The following KDM4B variants were observed in gnomAD, a reference collection of about 807,000 sequenced individuals.
The protein encoded by KDM4B is lysine demethylase 4B.
In KDM4B, 32 loss-of-function variants were observed where a neutral mutation model predicts 125.2. That is an observed-to-expected ratio of 0.26 (90% CI 0.19 to 0.34). The LOEUF (loss-of-function observed/expected upper bound fraction) is 0.34, where lower values mean the gene tolerates loss of function less well. Among genes scored for constraint, KDM4B ranks in the 10% least tolerant of loss-of-function variants. The pLI, the probability that KDM4B is intolerant of heterozygous loss-of-function variation, is 1.00. For synonymous variants in KDM4B, 721 were observed against 677.9 expected, an observed-to-expected ratio of 1.06 and a Z score of -0.99; for missense variants, 1,190 against 1,577.7, an observed-to-expected ratio of 0.75 and a Z score of 4.16.
chr19:5,131,798 CA>C (rs2039561302), intron 12 of KDM4B, 88 bp from the exon 13 acceptor site: 5 of 1,557,510 alleles, frequency 3.2e-6, no homozygotes, highest in Non-Finnish European at 4.4e-6. Flanking sequence ...ACTCAGGCCT[CA>C]GGCACGCCGA....
intron 6 of KDM4B, among the ~76,000 whole-genome samples, chr19:5,054,497 CAT>C (rs372557725): frequency 1.3e-5 from 2 of 151,780 alleles, no homozygotes; most frequent in Non-Finnish European, 2.9e-5. Flanking sequence ...TGTGCGCGCG[CAT>C]GCACATGCGT....
intron 1 of KDM4B, among the ~76,000 whole-genome samples, chr19:4,972,138 G>C (rs771014790): frequency 1.3e-5 from 2 of 152,142 alleles, no homozygotes; most frequent in Non-Finnish European, 2.9e-5. Flanking sequence ...TTAGGATGCC[G>C]GACAGAAGAG....
At chr19:4,977,878 G>A (rs1054390480) in intron 1 of KDM4B, among the ~76,000 whole-genome samples, 3 of 152,140 alleles carry the variant, frequency 2.0e-5, no homozygotes, top group Non-Finnish European at 4.4e-5. Flanking sequence ...GCGCCACCCT[G>A]GGCTCCCTGG....
chr19:5,096,780 G>A (rs1471424748), intron 9 of KDM4B, among the ~76,000 whole-genome samples: 4 of 151,590 alleles, frequency 2.6e-5, no homozygotes, highest in East Asian at 2.0e-4. Flanking sequence ...TTGCCGTGGC[G>A]CCTGCCTGGT....
chr19:4,980,174 A>G (rs1474974325), intron 1 of KDM4B, among the ~76,000 whole-genome samples: 1 of 152,090 alleles, frequency 6.6e-6, no homozygotes, highest in Non-Finnish European at 1.5e-5. Context: ...ACCACTATCA[A>G]ATGTTAGAAC....
intron 11 of KDM4B, among the ~76,000 whole-genome samples, chr19:5,128,259 A>G (rs771989933): frequency 7.9e-5 from 12 of 152,184 alleles, no homozygotes; most frequent in Non-Finnish European, 1.5e-4. Flanking sequence ...TCCTTCCCCA[A>G]TTCCTCATGT....
In KDM4B at chr19:4,969,236, C is replaced by T. The variant is rs996136629; in HGVS notation, c.-109+6C>T. 6.7e-6 allele frequency: 1 copy of T among 148,220 alleles called. No homozygotes were observed. The highest frequency in any genetic ancestry group is 1.5e-5 in the Non-Finnish European group (1 of 66,612). The allele number at this position is 148,220 out of a possible 1,614,324, so 9.2% of individuals were successfully genotyped here. A position where few individuals can be genotyped will look rare whatever the true frequency, so the allele number is the denominator to read the frequency against. On this transcript the variant is annotated splice_donor_region_variant and intron_variant, in intron 1 of 22. Coordinates refer to ENST00000159111, the MANE Select transcript of KDM4B (RefSeq NM_015015.3). Reference sequence around the variant, plus strand: ...GGCCGCGCACGCCGCCTCAGGTGAGCCCACGGGGAGGCCGCCCGGCCGTGT... The same window carrying T: ...GGCCGCGCACGCCGCCTCAGGTGAGTCCACGGGGAGGCCGCCCGGCCGTGT...
chr19:5,035,880 T>TGTGTGTGTGCGCGCGCGTGC lies in KDM4B; in HGVS notation c.141+2850_141+2851insTGTGTGTGCGCGCGCGTGCG, dbSNP rs58219404. Among the ~76,000 whole-genome samples, 2 of 136,400 alleles carry TGTGTGTGTGCGCGCGCGTGC rather than the reference T, an allele frequency of 1.5e-5. No individual in the cohort carries two copies. Among genetic ancestry groups the TGTGTGTGTGCGCGCGCGTGC allele is most frequent in the African/African-American group, 2.6e-5 (1 of 37,794 alleles). The allele number at this position is 136,400 out of a possible 152,430, so 89.5% of individuals were successfully genotyped here. On this transcript the variant is annotated intron_variant, in intron 3 of 22. Coordinates refer to ENST00000159111, the MANE Select transcript of KDM4B (RefSeq NM_015015.3). The surrounding 1 kb of genome is among the most constrained non-coding windows in gnomAD (Gnocchi z 5.3). ...ACGTGTCTCTGTGTGTGTGTGTGTG[T>TGTGTGTGTGCGCGCGCGTGC]GCGCGCGCGCGCGCGCCTGCGCGCA...
chr19:5,049,443 C>T (rs1205754482), intron 6 of KDM4B, among the ~76,000 whole-genome samples: 9 of 149,898 alleles, frequency 6.0e-5, no homozygotes, highest in Admixed American at 5.3e-4. Flanking sequence ...AAGGGAATTC[C>T]GGAAGCGCCC....
At chr19:5,089,363 C>T (rs2038614635) in intron 9 of KDM4B, among the ~76,000 whole-genome samples, 1 of 152,198 alleles carries the variant, frequency 6.6e-6, no homozygotes, top group Non-Finnish European at 1.5e-5. Flanking sequence ...GGTTCCATGT[C>T]TAGGGATATC....
intron 1 of KDM4B, among the ~76,000 whole-genome samples, chr19:4,979,354 A>C (rs1383129574): frequency 6.6e-6 from 1 of 152,208 alleles, no homozygotes; most frequent in Admixed American, 6.5e-5. Context: ...TCCCATAGGA[A>C]CTGCTGTTTG....
intron 9 of KDM4B, among the ~76,000 whole-genome samples, chr19:5,083,933 A>T (rs931107654): frequency 6.6e-6 from 1 of 151,494 alleles, no homozygotes; most frequent in Non-Finnish European, 1.5e-5. Context: ...GGATTCTTTG[A>T]CTCTCGCAGC....
At chr19:5,073,480 C>A (rs1279893740) in intron 7 of KDM4B, among the ~76,000 whole-genome samples, 2 of 152,246 alleles carry the variant, frequency 1.3e-5, no homozygotes, top group Admixed American at 1.3e-4. Context: ...AGAGGGCCAC[C>A]CCATCCTTGC....
intron 1 of KDM4B, among the ~76,000 whole-genome samples, chr19:5,015,132 G>A (rs546736994): frequency 2.6e-5 from 4 of 152,182 alleles, no homozygotes; most frequent in African/African-American, 7.2e-5. Context: ...GGAAGCAGAG[G>A]GCAGCCTGAG....
chr19:5,039,697 G>A (rs1430183796), intron 3 of KDM4B, 139 bp from the exon 4 acceptor site: 7 of 874,176 alleles, frequency 8.0e-6, no homozygotes, highest in African/African-American at 1.7e-5. Context: ...AAATGGGGGG[G>A]TTCCTCGTGC....
In KDM4B at chr19:5,151,451, C is replaced by T. The variant is rs754447423; in HGVS notation, c.3231C>T (p.Asp1077=). 8.5e-6 allele frequency: 13 copies of T among 1,537,882 alleles called. No individual in the cohort carries two copies. The highest frequency in any genetic ancestry group is 1.1e-5 in the Non-Finnish European group (13 of 1,143,582). Residue 1077 remains aspartate (D), a synonymous_variant, in exon 23 of 23, where the codon GAC becomes GAT. Transcript: ENST00000159111. ...LATEDSGRSQ[D]YVAFVESLLQ... The stretch of plus-strand genomic sequence containing the variant: ...CGGAGGACTCCGGGCGGAGCCAGGA[C>T]TACGTGGCCTTCGTGGAGAGCCTCC...
At chr19:5,064,468 G>A (rs2037705054) in intron 6 of KDM4B, among the ~76,000 whole-genome samples, 1 of 151,918 alleles carries the variant, frequency 6.6e-6, no homozygotes, top group Non-Finnish European at 1.5e-5. Context: ...GGCGGCGGGG[G>A]TGGGGGGTAG....
rs990451145 is a variant in KDM4B at position 5,081,829 on chromosome 19, G to A, written c.781-538G>A. ...TGCAGTGGTGGTTCCTTTCTCATGC[G>A]AGGGCAGAAGGTGTCCTGAGCGCGT... On this transcript the variant is annotated intron_variant, in intron 8 of 22. Coordinates refer to ENST00000159111, the MANE Select transcript of KDM4B (RefSeq NM_015015.3). The surrounding 1 kb of genome is among the most constrained non-coding windows in gnomAD (Gnocchi z 4.2). Among the ~76,000 whole-genome samples, 2 of 152,152 alleles carry A rather than the reference G, an allele frequency of 1.3e-5. No individual in the cohort carries two copies. The highest frequency in any genetic ancestry group is 2.4e-5 in the African/African-American group (1 of 41,434).
rs766933544 is a variant in KDM4B, at chr19:5,144,000, G to T, written c.2584G>T (p.Val862Leu). The T allele has an allele frequency of 6.3e-7, 1 of 1,588,764 alleles. No homozygotes were observed. Among genetic ancestry groups the T allele is most frequent in the South Asian group, 1.1e-5 (1 of 90,544 alleles). ...CVYCRKRMKK[V>L]SGACIQCSYE... The stretch of plus-strand genomic sequence containing the variant: ...GTACTGCCGGAAGCGGATGAAGAAG[G>T]TGTCAGGTGCCTGTATCCAGTGCTC... Residue 862 changes from valine to leucine, a missense_variant, in exon 19 of 23, where the codon GTG (valine) becomes TTG (leucine). Physicochemically the swap from Val to Leu is conservative, Grantham distance 32. Transcript: ENST00000159111.
Sources: gnomAD v4.1 joint callset for allele counts (sites outside exome capture counted in the v4.1 genomes callset) on GRCh38, gnomAD v4.1.1 for gene constraint, Gnocchi (gnomAD v3.1) non-coding constraint, MANE v1.5 for transcripts, NCBI Gene and HGNC (gene_info 2026-07-23, HGNC 2026-07-21) for gene names.